Variants in ODR4 observed in about 807,000 individuals in gnomAD.
ODR4 encodes the protein protein odr-4 homolog.
A neutral mutation model predicts 60.2 loss-of-function variants in ODR4; 47 were observed. The observed-to-expected ratio is 0.78, with a 90% confidence interval of 0.62 to 1.00. ODR4 has a LOEUF of 1.00. Ranked by LOEUF, ODR4 falls within the 50% of genes least tolerant of loss-of-function variation. The pLI, the probability that ODR4 is intolerant of heterozygous loss-of-function variation, is 0.00. For missense variants in ODR4, 488 were observed against 530.8 expected, an observed-to-expected ratio of 0.92 and a Z score of 0.79; for synonymous variants, 178 against 175.5, an observed-to-expected ratio of 1.01 and a Z score of -0.11.
At chr1:186,400,291 C>G (rs1370374115) in intron 11 of ODR4, among the ~76,000 whole-genome samples, 6 of 150,328 alleles carry the variant, frequency 4.0e-5, no homozygotes, top group Non-Finnish European at 7.4e-5. Flanking sequence ...CGCCCGGCCT[C>G]CCCATTCTTA....
the ODR4 span, among the ~76,000 whole-genome samples, chr1:186,432,315 T>C: frequency 6.6e-6 from 1 of 152,208 alleles, no homozygotes; most frequent in Non-Finnish European, 1.5e-5. Flanking sequence ...GTTTCCATAC[T>C]TGTGGAAATA....
At chr1:186,402,412 T>C (rs1571688395) in intron 11 of ODR4, among the ~76,000 whole-genome samples, 1 of 151,208 alleles carries the variant, frequency 6.6e-6, no homozygotes, top group South Asian at 2.1e-4. Flanking sequence ...TTCTTTTTTT[T>C]AATGAGAGAC....
intron 5 of ODR4, 36 bp downstream of exon 5, chr1:186,388,584 A>T: frequency 8.3e-7 from 1 of 1,199,720 alleles, no homozygotes. Flanking sequence ...AAAAGTACAA[A>T]GTACCAAAAT....
At position 186,405,840 on chromosome 1, in the gene ODR4, C is replaced by G. The variant is rs571750511; in HGVS notation, c.1001-243C>G. 7.2e-4 allele frequency among the ~76,000 whole-genome samples: 109 copies of G among 152,270 alleles called. 1 individual carries two copies. The highest frequency in any genetic ancestry group is 1.4e-3 in the Admixed American group (21 of 15,294). ...GTGCTGGGATTACAGGCATGAGCCA[C>G]CGCGCCTGGAGATAAGTTTATTTTT... On this transcript the variant is annotated intron_variant, in intron 11 of 13. Transcript: ENST00000287859.
At chr1:186,430,080 G>T in the ODR4 span, among the ~76,000 whole-genome samples, 1 of 151,974 alleles carries the variant, frequency 6.6e-6, no homozygotes. Context: ...TGTATTGTAT[G>T]TAGGGAAAAG....
At chr1:186,424,671 G>A (rs1661854891), downstream of ODR4, among the ~76,000 whole-genome samples, 1 of 151,844 alleles carries the variant, frequency 6.6e-6, no homozygotes, top group Non-Finnish European at 1.5e-5. Context: ...GATTGGGCTT[G>A]AAACATCTGA....
chr1:186,398,510 T>C (rs1283366763), intron 10 of ODR4, 69 bp downstream of exon 10: 3 of 1,420,892 alleles, frequency 2.1e-6, no homozygotes, highest in Non-Finnish European at 2.8e-6. Context: ...TTTTACCATT[T>C]TTTAATCTTA....
At chr1:186,397,999 A>G (rs553631894) in intron 9 of ODR4, among the ~76,000 whole-genome samples, 2 of 152,268 alleles carry the variant, frequency 1.3e-5, no homozygotes, top group South Asian at 2.1e-4. Flanking sequence ...CACAGTACTG[A>G]TGTGAATAAT....
chr1:186,398,040 G>A (rs1257141283), intron 9 of ODR4, among the ~76,000 whole-genome samples: 1 of 152,062 alleles, frequency 6.6e-6, no homozygotes, highest in East Asian at 1.9e-4. Context: ...GGAGCATATC[G>A]AGTGAATATT....
At chr1:186,405,990 T>C (rs1284743886) in intron 11 of ODR4, 93 bp from the exon 12 acceptor site, 1 of 886,974 alleles carries the variant, frequency 1.1e-6, no homozygotes, top group African/African-American at 1.7e-5. Context: ...TAAGCTTTAT[T>C]TCTATTAGTT....
intron 12 of ODR4, among the ~76,000 whole-genome samples, chr1:186,408,934 T>C (rs1661272077): frequency 6.6e-6 from 1 of 152,112 alleles, no homozygotes; most frequent in Admixed American, 6.5e-5. Context: ...AATTTCATGT[T>C]GTATGTTAAA....
chr1:186,398,957 G>C lies in ODR4; in HGVS notation c.913G>C (p.Val305Leu). The C allele has an allele frequency of 6.2e-7, 1 of 1,606,874 alleles. No homozygotes were observed. The highest frequency in any genetic ancestry group is 8.5e-7 in the Non-Finnish European group (1 of 1,176,146). Residue 305 changes from valine (V) to leucine (L), a missense_variant, in exon 11 of 14, where the codon GTA (valine) becomes CTA (leucine). By Grantham distance (32) the Val-to-Leu change is conservative. Coordinates refer to ENST00000287859, the MANE Select transcript of ODR4 (RefSeq NM_017847.6). The part of the protein sequence containing the change: ...KPKVKDAVQA[V>L]KRDILNTVAD... Reference sequence around the variant, plus strand: ...TTTTGTGTGTTTTTCCCTGTAGGCAGTAAAGAGGGATATATTGAACACAGT... The same window carrying C: ...TTTTGTGTGTTTTTCCCTGTAGGCACTAAAGAGGGATATATTGAACACAGT...
In ODR4 at chr1:186,420,010, A is replaced by T. The variant is rs940311136; in HGVS notation, c.*934A>T. 1.3e-5 allele frequency: 2 copies of T among 152,182 alleles called. No homozygotes were observed. The highest frequency in any genetic ancestry group is 4.8e-5 in the African/African-American group (2 of 41,446). The allele number at this position is 152,182 out of a possible 1,614,324, so 9.4% of individuals were successfully genotyped here. On this transcript the variant is annotated 3_prime_UTR_variant, in exon 14 of 14. Coordinates refer to ENST00000287859, the MANE Select transcript of ODR4 (RefSeq NM_017847.6). The stretch of plus-strand genomic sequence containing the variant: ...ATAATATATTTAATATATAAAATTA[A>T]GACTTTTGCTTCCAGCAAGTATGTT...
intron 3 of ODR4, among the ~76,000 whole-genome samples, chr1:186,384,780 T>C (rs1399960828): frequency 6.6e-6 from 1 of 152,160 alleles, no homozygotes; most frequent in Non-Finnish European, 1.5e-5. Flanking sequence ...ATATGAAAAC[T>C]TTATTTGTCA....
downstream of ODR4, among the ~76,000 whole-genome samples, chr1:186,425,048 C>T (rs548561691): frequency 1.3e-4 from 19 of 151,680 alleles, no homozygotes; most frequent in African/African-American, 4.6e-4. Context: ...TGGCAGAAAT[C>T]TTTGGTAGTT....
chr1:186,396,952 T>C (rs1660706376), intron 9 of ODR4, among the ~76,000 whole-genome samples: 1 of 152,150 alleles, frequency 6.6e-6, no homozygotes, highest in Non-Finnish European at 1.5e-5. Context: ...CTTATTGATG[T>C]ATCAATGAAC....
At chr1:186,381,292 C>T (rs1164571179) in intron 2 of ODR4, among the ~76,000 whole-genome samples, 4 of 151,718 alleles carry the variant, frequency 2.6e-5, no homozygotes, top group African/African-American at 9.7e-5. Flanking sequence ...GGCAAACTGC[C>T]ATCTTACAAA....
chr1:186,382,008 T>C (rs1660051966), intron 2 of ODR4, among the ~76,000 whole-genome samples: 1 of 150,448 alleles, frequency 6.6e-6, no homozygotes, highest in African/African-American at 2.5e-5. Context: ...ATTTTCACTC[T>C]TTTTTTATAG....
chr1:186,402,556 C>T (rs531808756), intron 11 of ODR4, among the ~76,000 whole-genome samples: 9 of 151,632 alleles, frequency 5.9e-5, no homozygotes, highest in African/African-American at 9.7e-5. Context: ...AGGGCCACCA[C>T]GCCTGGCTAA....
Sources: gnomAD v4.1 joint callset for allele counts (sites outside exome capture counted in the v4.1 genomes callset) on GRCh38, gnomAD v4.1.1 for gene constraint, MANE v1.5 for transcripts, NCBI Gene and HGNC (gene_info 2026-07-23, HGNC 2026-07-21) for gene names.